RASGRP4: variants seen among roughly 807,000 people sequenced by gnomAD.
The protein encoded by RASGRP4 is RAS guanyl-releasing protein 4.
In RASGRP4, 52 loss-of-function variants were observed where a neutral mutation model predicts 84.4. The observed-to-expected ratio is 0.62, with a 90% confidence interval of 0.49 to 0.78. RASGRP4 has a LOEUF of 0.78. RASGRP4 is among the 30% of genes least tolerant of loss of function. The pLI is 0.00. For synonymous variants in RASGRP4, 356 were observed against 359.1 expected (o/e 0.99, Z 0.10); for missense variants, 760 against 886.9 (o/e 0.86, Z 1.82).
chr19:38,415,760 A>C (rs1971473696), intron 8 of RASGRP4, among the ~76,000 whole-genome samples: 4 of 151,906 alleles, frequency 2.6e-5, no homozygotes, highest in Admixed American at 2.0e-4. Flanking sequence ...TTGCAGCCTT[A>C]AACTCCTGAG....
intron 16 of RASGRP4, among the ~76,000 whole-genome samples, chr19:38,410,486 C>T (rs1600540471): frequency 6.6e-6 from 1 of 151,076 alleles, no homozygotes; most frequent in African/African-American, 2.4e-5. Flanking sequence ...AATCTCAGCT[C>T]ACTACAGCCT....
rs1457659734 is a variant in RASGRP4, at chr19:38,415,100, G to T, written c.978C>A (p.Leu326=). The T allele has an allele frequency of 6.3e-7, 1 of 1,597,244 alleles. No homozygotes were observed. The highest frequency in any genetic ancestry group is 8.5e-7 in the Non-Finnish European group (1 of 1,171,626). Residue 326 remains leucine (L), a synonymous_variant, in exon 9 of 17, where the codon CTC becomes CTA. Transcript: ENST00000615439. ...GGGCGTAGTTGTTGTGGGAGGCAAG[G>T]AGCTCAGTGAGCTCCAGGAGGGCCT... is the stretch of plus-strand genomic sequence containing the variant. ...STKALLELTE[L]LASHNNYARY... is the part of the protein sequence containing the mutation.
rs1052126900 is a variant in RASGRP4, at chr19:38,425,959, A to T, written c.23+110T>A. On this transcript the variant is annotated intron_variant, in intron 1 of 16. Transcript: ENST00000615439. ...CATCCACCTGGCCCCCCTGCGCCTG[A>T]TCCCAAAGAAGTCAGGAATCCTGCC... 4 of 947,360 alleles carry T rather than the reference A, an allele frequency of 4.2e-6. No homozygotes were observed. The South Asian group carries it at 1.3e-4, about 30-fold the overall frequency. The allele number at this position is 947,360 out of a possible 1,614,324, so 58.7% of individuals were successfully genotyped here. A position where few individuals can be genotyped will look rare whatever the true frequency, so the allele number is the denominator to read the frequency against.
rs991183337 is a variant in RASGRP4 at position 38,418,174 on chromosome 19, C to T, written c.837+217G>A. ...CTTGGGAGCCTGTCACGTCTAGGGC[C>T]AAGGGGTGGGGCCACGGTGGGTGCG... On this transcript the variant is annotated intron_variant, in intron 7 of 16. Coordinates refer to ENST00000615439, the MANE Select transcript of RASGRP4 (RefSeq NM_170604.3). This position sits in a 1 kb window ranked among gnomAD's most constrained non-coding sequence, Gnocchi z 4.6. Among the ~76,000 whole-genome samples, 2 of 151,682 alleles carry T rather than the reference C, an allele frequency of 1.3e-5. No homozygotes were observed. Among genetic ancestry groups the T allele is most frequent in the African/African-American group, 2.4e-5 (1 of 41,272 alleles).
rs1971233532 is a variant in RASGRP4, at chr19:38,411,118, A to G, written c.1849T>C (p.Cys617Arg). The part of the protein sequence containing the change: ...VPSTPAPHAS[C>R]GSEENHSYTL... Reference sequence around the variant, plus strand: ...ACCGGTGTGCTCTAGGTCTTACCACAGCTGGCATGGGGAGCTGGTGTGGAT... The same window carrying G: ...ACCGGTGTGCTCTAGGTCTTACCACGGCTGGCATGGGGAGCTGGTGTGGAT... The change falls in exon 15 of 17, where the codon TGT (cysteine) becomes CGT (arginine). Residue 617 changes from cysteine (C) to arginine (R), a missense_variant. Cys to Arg is a radical substitution (Grantham distance 180, BLOSUM62 -3). Coordinates refer to ENST00000615439, the MANE Select transcript of RASGRP4 (RefSeq NM_170604.3). 6.2e-7 allele frequency: 1 copy of G among 1,613,384 alleles called. No homozygotes were observed. The highest frequency in any genetic ancestry group is 1.1e-5 in the South Asian group (1 of 91,072).
In RASGRP4 at chr19:38,413,409, A is replaced by G; in HGVS notation, c.1296T>C (p.Arg432=). 6.2e-7 allele frequency: 1 copy of G among 1,609,184 alleles called. No homozygotes were observed. Among genetic ancestry groups the G allele is most frequent in the Non-Finnish European group, 8.5e-7 (1 of 1,177,792 alleles). ...IYELSYAREP[R]CPKSLPPSPF... ...TGGGTCTCACCAGGCTCTTGGGACA[A>G]CGCGGCTCCCGGGCATAAGAAAGCT... The change falls in exon 10 of 17, where the codon CGT becomes CGC. Residue 432 remains arginine (R), a synonymous_variant. Transcript: ENST00000615439. The surrounding 1 kb of genome is among the most constrained non-coding windows in gnomAD (Gnocchi z 4.7).
chr19:38,411,694 TA>T, intron 13 of RASGRP4: 1 of 251,374 alleles, frequency 4.0e-6, no homozygotes, highest in Non-Finnish European at 7.6e-6. Flanking sequence ...ACCCATCTCT[TA>T]ACAAAATAAA....
Position 38,413,212 on chromosome 19 carries a change from TGCC to T in RASGRP4, c.1394_1396del (p.Arg465del). 1 of 1,613,484 alleles carries T rather than the reference TGCC, an allele frequency of 6.2e-7. No homozygotes were observed. Among genetic ancestry groups the T allele is most frequent in the Non-Finnish European group, 8.5e-7 (1 of 1,179,824 alleles). On this transcript the variant is annotated inframe_deletion, in exon 11 of 17. Transcript: ENST00000615439. The surrounding 1 kb of genome is among the most constrained non-coding windows in gnomAD (Gnocchi z 4.7). Reference sequence around the variant, plus strand: ...CCTTACCTCCACCAGCTGCTCCACATGCCGACCCAGTGTGACCCTGTCCGGCTT... The same window carrying T: ...CCTTACCTCCACCAGCTGCTCCACATGACCCAGTGTGACCCTGTCCGGCTT...
chr19:38,413,348 G>T lies in RASGRP4; in HGVS notation c.1311+46C>A. 1 of 1,602,200 alleles carries T rather than the reference G, an allele frequency of 6.2e-7. No individual in the cohort carries two copies. Among genetic ancestry groups the T allele is most frequent in the South Asian group, 1.1e-5 (1 of 90,352 alleles). ...TTAGTCACTGCATAGGCTTAGGGGG[G>T]GTTCGAGGTAATTGGGGGAGTCCGA... On this transcript the variant is annotated intron_variant, in intron 10 of 16. Coordinates refer to ENST00000615439, the MANE Select transcript of RASGRP4 (RefSeq NM_170604.3). The surrounding 1 kb of genome is among the most constrained non-coding windows in gnomAD (Gnocchi z 4.7).
At position 38,418,563 on chromosome 19, in the gene RASGRP4, G is replaced by A. The variant is rs1303379209; in HGVS notation, c.665C>T (p.Pro222Leu). The A allele has an allele frequency of 6.6e-7, 1 of 1,515,086 alleles. No homozygotes were observed. Among genetic ancestry groups the A allele is most frequent in the Admixed American group, 2.1e-5 (1 of 46,518 alleles). The allele number at this position is 1,515,086 out of a possible 1,614,324, so 93.9% of individuals were successfully genotyped here. Reference protein sequence around the residue: ...LEFRSFQAITPQDLRSYVLQG... With the variant: ...LEFRSFQAITLQDLRSYVLQG... ...CAAAACGTAGCTCCGCAGGTCCTGGGGCTGGGAGCGAGGTGGGTGTCAAGG... is the reference window on the plus strand; with the variant it reads ...CAAAACGTAGCTCCGCAGGTCCTGGAGCTGGGAGCGAGGTGGGTGTCAAGG... The change falls in exon 7 of 17, where the codon CCC becomes CTC. Residue 222 changes from proline to leucine, a missense_variant and splice_region_variant. Coordinates refer to ENST00000615439, the MANE Select transcript of RASGRP4 (RefSeq NM_170604.3). This position sits in a 1 kb window ranked among gnomAD's most constrained non-coding sequence, Gnocchi z 4.6.
At chr19:38,424,618 G>T (rs955393858) in intron 1 of RASGRP4, among the ~76,000 whole-genome samples, 3 of 120,308 alleles carry the variant, frequency 2.5e-5, no homozygotes, top group Non-Finnish European at 5.1e-5. Context: ...TGTGTCAATG[G>T]GGGGGGGGGT....
chr19:38,414,977 G>C lies in RASGRP4; in HGVS notation c.1101C>G (p.Asp367Glu). ...GGTGCAGGCGGCCGTCAGGCAACCT[G>C]TCGGGCTGTGCCTCATGCAGGGACA... ...DLVSLHEAQP[D>E]RLPDGRLHLP... Residue 367 changes from aspartate to glutamate, a missense_variant, in exon 9 of 17, where the codon GAC becomes GAG. Coordinates refer to ENST00000615439, the MANE Select transcript of RASGRP4 (RefSeq NM_170604.3). The C allele has an allele frequency of 6.2e-7, 1 of 1,613,546 alleles. No individual in the cohort carries two copies. Among genetic ancestry groups the C allele is most frequent in the Non-Finnish European group, 8.5e-7 (1 of 1,179,756 alleles).
rs746495623 is a variant in RASGRP4 at position 38,414,950 on chromosome 19, T to C, written c.1128A>G (p.Leu376=). 6.3e-5 allele frequency: 101 copies of C among 1,613,448 alleles called. No individual in the cohort carries two copies. In the Middle Eastern group the frequency reaches 9.9e-4, roughly 16 times the overall value. Residue 376 remains leucine (L), a synonymous_variant, in exon 9 of 17, where the codon CTA becomes CTG. Transcript: ENST00000615439. The part of the protein sequence containing the change: ...PDRLPDGRLH[L]PKLNNLYLRL... The stretch of plus-strand genomic sequence containing the variant: ...GCAGGTAGAGGTTGTTCAGCTTGGG[T>C]AGGTGCAGGCGGCCGTCAGGCAACC...
chr19:38,426,121 G>A lies in RASGRP4; in HGVS notation c.-30C>T, dbSNP rs758496411. On this transcript the variant is annotated 5_prime_UTR_variant, in exon 1 of 17. Transcript: ENST00000615439. Reference sequence around the variant, plus strand: ...CCCGCGTGGGGTGAGGAGGCCGGGGGTCTTGCAAGAGTAGGGCTCAGCTCC... The same window carrying A: ...CCCGCGTGGGGTGAGGAGGCCGGGGATCTTGCAAGAGTAGGGCTCAGCTCC... The A allele has an allele frequency of 6.8e-6, 9 of 1,318,164 alleles. No individual in the cohort carries two copies. The African/African-American group carries it at 1.2e-4, about 18-fold the overall frequency. 81.7% of individuals were successfully genotyped at this position (1,318,164 alleles called of 1,614,324 possible).
Position 38,418,392 on chromosome 19 carries a change from T to A in RASGRP4, c.836A>T (p.Gln279Leu), listed in dbSNP as rs1971595412. The change falls in exon 7 of 17, where the codon CAG (glutamine) becomes CTG (leucine). Residue 279 changes from glutamine (Q) to leucine (L), a missense_variant and splice_region_variant. By Grantham distance (113) the Gln-to-Leu change is moderately radical. Transcript: ENST00000615439. This position sits in a 1 kb window ranked among gnomAD's most constrained non-coding sequence, Gnocchi z 4.6. ...GCAGCCCCAAGGGGCGGGCCTCACC[T>A]GTGCCACGTGAATGAACTTGTCCAG... Reference protein sequence around the residue: ...QVLDKFIHVAQRLHQLQNFNT... With the variant: ...QVLDKFIHVALRLHQLQNFNT... 6.2e-7 allele frequency: 1 copy of A among 1,603,944 alleles called. No individual in the cohort carries two copies. Among genetic ancestry groups the A allele is most frequent in the African/African-American group, 1.3e-5 (1 of 74,730 alleles).
Position 38,414,860 on chromosome 19 carries a change from C to T in RASGRP4, c.1218G>A (p.Leu406=). 3 of 1,595,076 alleles carry T rather than the reference C, an allele frequency of 1.9e-6. No homozygotes were observed. The highest frequency in any genetic ancestry group is 2.6e-6 in the Non-Finnish European group (3 of 1,171,138). Residue 406 remains leucine (L), a synonymous_variant, in exon 9 of 17, where the codon CTG becomes CTA. Transcript: ENST00000615439. ...HPPCSANEDL[L]HLLTLSLDLF... The stretch of plus-strand genomic sequence containing the variant: ...CAGGGGGGCTCACCGTGAGCAGGTG[C>T]AGCAGATCCTCATTGGCGCTGCAGG...
chr19:38,411,013 A>G lies in RASGRP4; in HGVS notation c.1853-15T>C, dbSNP rs868672425. 6.2e-7 allele frequency: 1 copy of G among 1,607,342 alleles called. No homozygotes were observed. On this transcript the variant is annotated splice_polypyrimidine_tract_variant and intron_variant, in intron 15 of 16. Transcript: ENST00000615439. ...TTCCTCGGAGCCTGTTTGTGGGTGG[A>G]TGGAAGGGATGTGGGTCTGATGGGA...
intron 4 of RASGRP4, 55 bp downstream of exon 4, chr19:38,420,853 G>A: frequency 1.3e-6 from 2 of 1,542,128 alleles, no homozygotes; most frequent in Non-Finnish European, 9.0e-7. Flanking sequence ...TTTTTGAGGG[G>A]GAAGCAGGAT....
chr19:38,413,270 C>T lies in RASGRP4; in HGVS notation c.1339G>A (p.Val447Met), dbSNP rs1278571684. 3 of 1,613,782 alleles carry T rather than the reference C, an allele frequency of 1.9e-6. No individual in the cohort carries two copies. Among genetic ancestry groups the T allele is most frequent in the Non-Finnish European group, 2.5e-6 (3 of 1,179,828 alleles). Residue 447 changes from valine to methionine, a missense_variant, in exon 11 of 17, where the codon GTG becomes ATG. Physicochemically the swap from Val to Met is conservative, Grantham distance 21. Coordinates refer to ENST00000615439, the MANE Select transcript of RASGRP4 (RefSeq NM_170604.3). The surrounding 1 kb of genome is among the most constrained non-coding windows in gnomAD (Gnocchi z 4.7). ...GTCACACCAGGGGCCCACTCCACCA[C>T]CAGAGGTGCATTGAAGGGGGAGGGT... ...LPPSPFNAPL[V>M]VEWAPGVTPK...
Sources: gnomAD v4.1 joint callset for allele counts (sites outside exome capture counted in the v4.1 genomes callset) on GRCh38, gnomAD v4.1.1 for gene constraint, Gnocchi (gnomAD v3.1) non-coding constraint, MANE v1.5 for transcripts, NCBI Gene and HGNC (gene_info 2026-07-23, HGNC 2026-07-21) for gene names.